DGKD: variants seen among roughly 807,000 people sequenced by gnomAD.
DGKD encodes diacylglycerol kinase delta, also known as DAG kinase delta.
Under a neutral mutation model 154.4 loss-of-function variants are expected in DGKD, and 68 were observed. The observed-to-expected ratio is 0.44, with a 90% confidence interval of 0.36 to 0.54. DGKD has a LOEUF of 0.54. Among genes scored for constraint, DGKD ranks in the 20% least tolerant of loss-of-function variants. The probability of loss-of-function intolerance (pLI) is 0.00; values close to 1 mark genes in which losing one functional copy is unlikely to be tolerated. For synonymous variants in DGKD, 693 were observed against 638.0 expected (o/e 1.09, Z -1.30); for missense variants, 1,343 against 1,593.6 (o/e 0.84, Z 2.68).
At chr2:233,369,750 G>A (rs967491586) in intron 1 of DGKD, among the ~76,000 whole-genome samples, 1 of 152,148 alleles carries the variant, frequency 6.6e-6, no homozygotes, top group African/African-American at 2.4e-5. Context: ...GCTCTGGGCG[G>A]GCTCTCCCCT....
chr2:233,436,267 A>T, intron 6 of DGKD, 49 bp from the exon 7 acceptor site: 1 of 1,610,730 alleles, frequency 6.2e-7, no homozygotes, highest in Non-Finnish European at 8.5e-7. Flanking sequence ...GCTGCCCTGG[A>T]CGTGGAACCT....
At chr2:233,397,434 G>T (rs1477702147) in intron 3 of DGKD, among the ~76,000 whole-genome samples, 2 of 144,978 alleles carry the variant, frequency 1.4e-5, no homozygotes, top group Non-Finnish European at 3.0e-5. Flanking sequence ...GGGGACCAGG[G>T]TGGCTGGCAG....
In DGKD at chr2:233,445,504, G is replaced by T; in HGVS notation, c.1195-119G>T. ...GTAATGTGTAAGCTGCGTGGTTTTA[G>T]GTCACGTCCCCACATTGCTAACGTA... On this transcript the variant is annotated intron_variant, in intron 10 of 29. Coordinates refer to ENST00000264057, the MANE Select transcript of DGKD (RefSeq NM_152879.3). The surrounding 1 kb of genome is among the most constrained non-coding windows in gnomAD (Gnocchi z 5.5). 1 of 1,411,880 alleles carries T rather than the reference G, an allele frequency of 7.1e-7. No homozygotes were observed. Among genetic ancestry groups the T allele is most frequent in the Non-Finnish European group, 9.4e-7 (1 of 1,060,828 alleles). 87.5% of individuals were successfully genotyped at this position (1,411,880 alleles called of 1,614,324 possible). A position where few individuals can be genotyped will look rare whatever the true frequency, so the allele number is the denominator to read the frequency against.
chr2:233,462,115 T>G lies in DGKD; in HGVS notation c.2982-233T>G, dbSNP rs141108105. On this transcript the variant is annotated intron_variant, in intron 24 of 29. Transcript: ENST00000264057. ...TGTACATTTCTCTCCCTGGAAAATCTTGGATTTTGACGTCAGATTTCTCGT... is the reference window on the plus strand; with the variant it reads ...TGTACATTTCTCTCCCTGGAAAATCGTGGATTTTGACGTCAGATTTCTCGT... 1.5e-3 allele frequency among the ~76,000 whole-genome samples: 224 copies of G among 152,326 alleles called. 1 individual carries two copies. The highest frequency in any genetic ancestry group is 5.1e-3 in the African/African-American group (212 of 41,568).
At chr2:233,378,889 AAAC>A (rs1406865558) in intron 1 of DGKD, among the ~76,000 whole-genome samples, 8 of 152,200 alleles carry the variant, frequency 5.3e-5, no homozygotes, top group African/African-American at 1.9e-4. Context: ...AAGCAAAACA[AAAC>A]AAAACAAGCG....
intron 3 of DGKD, among the ~76,000 whole-genome samples, chr2:233,432,118 G>A (rs58737409): frequency 0.026 from 3,712 of 144,190 alleles, 57 homozygotes; most frequent in Middle Eastern, 0.038. Flanking sequence ...ACTGCCAGGC[G>A]TGGTGGCTCA....
At chr2:233,446,661 C>A in intron 11 of DGKD, 51 bp from the exon 12 acceptor site, 1 of 1,590,544 alleles carries the variant, frequency 6.3e-7, no homozygotes, top group South Asian at 1.1e-5. Context: ...AGGGTTCACC[C>A]TTGTGGGCCT....
chr2:233,415,351 C>T (rs1223462757), intron 3 of DGKD, among the ~76,000 whole-genome samples: 2 of 152,320 alleles, frequency 1.3e-5, no homozygotes, highest in South Asian at 2.1e-4. Context: ...CAAGTGCCAT[C>T]AGGGTGGCTG....
rs188495754 is a variant in DGKD at position 233,432,251 on chromosome 2, C to T, written c.349-2129C>T. Among the ~76,000 whole-genome samples the T allele has an allele frequency of 9.1e-4, 92 of 100,630 alleles. 4 individuals are homozygous for T. The highest frequency in any genetic ancestry group is 3.1e-3 in the African/African-American group (89 of 29,156). 66.0% of individuals were successfully genotyped at this position (100,630 alleles called of 152,430 possible). ...TTAAAAATACAAAAAATTAGCCAGG[C>T]GTGGTTGCTCACGCCTGTAATCCCA... On this transcript the variant is annotated intron_variant, in intron 3 of 29. Transcript: ENST00000264057.
intron 24 of DGKD, among the ~76,000 whole-genome samples, chr2:233,461,882 GC>G (rs2063656930): frequency 6.6e-6 from 1 of 152,248 alleles, no homozygotes; most frequent in African/African-American, 2.4e-5. Context: ...CCCTATGAGG[GC>G]TGCTATCTGG....
intron 23 of DGKD, 62 bp from the exon 24 acceptor site, chr2:233,460,132 G>A: frequency 6.3e-7 from 1 of 1,588,436 alleles, no homozygotes; most frequent in Non-Finnish European, 8.6e-7. Flanking sequence ...TCCCCATAGT[G>A]TCTGTCGCAG....
chr2:233,377,979 A>G (rs1456724385), intron 1 of DGKD, among the ~76,000 whole-genome samples: 1 of 151,938 alleles, frequency 6.6e-6, no homozygotes, highest in Non-Finnish European at 1.5e-5. Context: ...TTAAATAATT[A>G]TTATTATTTT....
chr2:233,451,573 T>G (rs2063295026), intron 17 of DGKD, among the ~76,000 whole-genome samples: 1 of 150,984 alleles, frequency 6.6e-6, no homozygotes, highest in African/African-American at 2.4e-5. Flanking sequence ...TATAAGCCTT[T>G]TTTTTTTTTT....
rs570107191 is a variant in DGKD, at chr2:233,470,413, C to G, written c.*953C>G. On this transcript the variant is annotated 3_prime_UTR_variant, in exon 30 of 30. Coordinates refer to ENST00000264057, the MANE Select transcript of DGKD (RefSeq NM_152879.3). ...GGGTGGTTTGACCTCTTCAGCCCGT[C>G]CGGTGGCCTGGAGGCCGGAGGCTCT... 1 of 152,580 alleles carries G rather than the reference C, an allele frequency of 6.6e-6. No individual in the cohort carries two copies. The highest frequency in any genetic ancestry group is 6.5e-5 in the Admixed American group (1 of 15,308). The allele number at this position is 152,580 out of a possible 1,614,324, so 9.5% of individuals were successfully genotyped here.
At chr2:233,383,694 G>A (rs946037724) in intron 1 of DGKD, among the ~76,000 whole-genome samples, 1 of 152,174 alleles carries the variant, frequency 6.6e-6, no homozygotes, top group African/African-American at 2.4e-5. Context: ...CTTTGCTGAA[G>A]TCCCCCTCCC....
intron 3 of DGKD, 45 bp downstream of exon 3, chr2:233,390,528 G>T (rs370460949): frequency 6.7e-7 from 1 of 1,502,462 alleles, no homozygotes; most frequent in South Asian, 1.1e-5. Context: ...CACTGAAGTT[G>T]GCTTTCCTTT....
chr2:233,408,492 A>C (rs902880932), intron 3 of DGKD, among the ~76,000 whole-genome samples: 1 of 152,162 alleles, frequency 6.6e-6, no homozygotes, highest in Non-Finnish European at 1.5e-5. Flanking sequence ...GGGAAGCCCC[A>C]CGTTCGTTAG....
chr2:233,434,846 C>T lies in DGKD; in HGVS notation c.531C>T (p.Cys177=). 9 of 1,614,242 alleles carry T rather than the reference C, an allele frequency of 5.6e-6. No homozygotes were observed. Among genetic ancestry groups the T allele is most frequent in the Non-Finnish European group, 7.6e-6 (9 of 1,180,050 alleles). The change falls in exon 5 of 30, where the codon TGC becomes TGT. Residue 177 remains cysteine, a synonymous_variant. Coordinates refer to ENST00000264057, the MANE Select transcript of DGKD (RefSeq NM_152879.3). ...GTTCCCACGCGAGGCCGACCTACTGCAATGTGTGCCGTGAGGCTCTGTCTG... is the reference window on the plus strand; with the variant it reads ...GTTCCCACGCGAGGCCGACCTACTGTAATGTGTGCCGTGAGGCTCTGTCTG... The part of the protein sequence containing the change: ...YACSHARPTY[C]NVCREALSGV...
chr2:233,371,264 AATATT>A (rs760098014), intron 1 of DGKD, among the ~76,000 whole-genome samples: 26 of 152,082 alleles, frequency 1.7e-4, no homozygotes, highest in Non-Finnish European at 3.1e-4. Flanking sequence ...ATAATTTAAG[AATATT>A]ATATTATTCA....
Sources: gnomAD v4.1 joint callset for allele counts (sites outside exome capture counted in the v4.1 genomes callset) on GRCh38, gnomAD v4.1.1 for gene constraint, Gnocchi (gnomAD v3.1) non-coding constraint, MANE v1.5 for transcripts, NCBI Gene and HGNC (gene_info 2026-07-23, HGNC 2026-07-21) for gene names.